ZDHHC14: variants seen among roughly 807,000 people sequenced by gnomAD.
ZDHHC14 encodes palmitoyltransferase ZDHHC14.
Under a neutral mutation model 47.7 loss-of-function variants are expected in ZDHHC14, and 16 were observed. That is an observed-to-expected ratio of 0.34 (90% confidence interval 0.23 to 0.51). The LOEUF (loss-of-function observed/expected upper bound fraction) is 0.51, where lower values mean the gene tolerates loss of function less well. Among genes scored for constraint, ZDHHC14 ranks in the 20% least tolerant of loss-of-function variants. The pLI is 0.97. For synonymous variants in ZDHHC14, 293 were observed against 278.9 expected, an observed-to-expected ratio of 1.05 and a Z score of -0.50; for missense variants, 515 against 662.5, an observed-to-expected ratio of 0.78 and a Z score of 2.44.
intron 1 of ZDHHC14, among the ~76,000 whole-genome samples, chr6:157,405,256 G>C (rs147626005): frequency 1.8e-4 from 27 of 152,102 alleles, no homozygotes; most frequent in Non-Finnish European, 3.2e-4. Flanking sequence ...TTTTTGAGAT[G>C]GAGTCTCGCT....
intron 2 of ZDHHC14, among the ~76,000 whole-genome samples, chr6:157,567,342 TCTGATTG>T (rs1782940913): frequency 6.6e-6 from 1 of 152,142 alleles, no homozygotes; most frequent in Admixed American, 6.5e-5. Context: ...TAGAGCTCAA[TCTGATTG>T]GATCCTGGAT....
At chr6:157,655,901 G>A (rs9347471) in intron 8 of ZDHHC14, among the ~76,000 whole-genome samples, 6 of 152,068 alleles carry the variant, frequency 3.9e-5, no homozygotes, top group Non-Finnish European at 8.8e-5. Context: ...TCTACACTTT[G>A]TTGAGATTAA....
intron 7 of ZDHHC14, among the ~76,000 whole-genome samples, chr6:157,651,709 C>T (rs2114989986): frequency 6.6e-6 from 1 of 152,296 alleles, no homozygotes; most frequent in South Asian, 2.1e-4. Context: ...GCTGGGGTTA[C>T]AGGCATGTGC....
chr6:157,510,983 T>C (rs527976957), intron 1 of ZDHHC14, among the ~76,000 whole-genome samples: 1 of 152,366 alleles, frequency 6.6e-6, no homozygotes, highest in East Asian at 1.9e-4. Context: ...ATAATTTACC[T>C]TTGTGGCTTA....
At chr6:157,616,200 G>A (rs186077305) in intron 3 of ZDHHC14, among the ~76,000 whole-genome samples, 76 of 152,310 alleles carry the variant, frequency 5.0e-4, no homozygotes, top group African/African-American at 1.4e-3. Context: ...GACAAGAGCC[G>A]GCACAGTGCA....
intron 1 of ZDHHC14, among the ~76,000 whole-genome samples, chr6:157,456,137 G>A (rs769677450): frequency 7.9e-5 from 12 of 152,142 alleles, no homozygotes; most frequent in African/African-American, 2.4e-4. Context: ...GGCCTGCTGC[G>A]GGAGGGAAGC....
rs532069768 is a variant in ZDHHC14 at position 157,391,336 on chromosome 6, C to G, written c.245+9070C>G. Among the ~76,000 whole-genome samples, 10 of 152,284 alleles carry G rather than the reference C, an allele frequency of 6.6e-5. No individual in the cohort carries two copies. In the East Asian group the frequency reaches 1.9e-3, roughly 29 times the overall value. On this transcript the variant is annotated intron_variant, in intron 1 of 8. Transcript: ENST00000359775. Reference sequence around the variant, plus strand: ...TCCCTGTACAGCTGCTGTGCCCCAGCTTTTGGAGGGCTACTGCAGTGGTCC... The same window carrying G: ...TCCCTGTACAGCTGCTGTGCCCCAGGTTTTGGAGGGCTACTGCAGTGGTCC...
chr6:157,574,848 G>A (rs577449034), intron 2 of ZDHHC14, among the ~76,000 whole-genome samples: 51 of 152,252 alleles, frequency 3.3e-4, no homozygotes, highest in African/African-American at 1.1e-3. Context: ...TACTGCAGTC[G>A]ATGTGATATG....
intron 1 of ZDHHC14, among the ~76,000 whole-genome samples, chr6:157,432,027 T>A (rs1197824129): frequency 1.3e-5 from 2 of 152,144 alleles, no homozygotes; most frequent in Non-Finnish European, 2.9e-5. Flanking sequence ...TCATGCCAGA[T>A]CCCTTTGGCT....
intron 2 of ZDHHC14, among the ~76,000 whole-genome samples, chr6:157,572,531 A>C (rs1783139090): frequency 6.6e-6 from 1 of 151,960 alleles, no homozygotes; most frequent in Non-Finnish European, 1.5e-5. Flanking sequence ...TTTAGGGTAC[A>C]TGTGCACAAC....
intron 4 of ZDHHC14, chr6:157,631,096 C>G (rs1785711374): frequency 6.6e-6 from 1 of 152,254 alleles, no homozygotes; most frequent in Non-Finnish European, 1.5e-5. Context: ...CACCCACACT[C>G]ATATATAGTC....
chr6:157,430,724 G>A (rs1418964002), intron 1 of ZDHHC14, among the ~76,000 whole-genome samples: 2 of 152,254 alleles, frequency 1.3e-5, no homozygotes, highest in African/African-American at 2.4e-5. Flanking sequence ...CGTATTCACA[G>A]GTTCTGGCGA....
At chr6:157,506,728 A>T (rs1780333403) in intron 1 of ZDHHC14, among the ~76,000 whole-genome samples, 1 of 152,164 alleles carries the variant, frequency 6.6e-6, no homozygotes, top group Admixed American at 6.5e-5. Flanking sequence ...GATATATTTT[A>T]TATTGGTCCC....
At chr6:157,580,093 G>T (rs2217446) in intron 2 of ZDHHC14, among the ~76,000 whole-genome samples, 1 of 152,140 alleles carries the variant, frequency 6.6e-6, no homozygotes, top group South Asian at 2.1e-4. Flanking sequence ...GTTTTTAACA[G>T]GAAGAGATGT....
intron 1 of ZDHHC14, among the ~76,000 whole-genome samples, chr6:157,384,867 C>G (rs1277000092): frequency 6.6e-6 from 1 of 152,204 alleles, no homozygotes; most frequent in African/African-American, 2.4e-5. Context: ...CCCTGGCCTG[C>G]CTTTCTCCTG....
chr6:157,662,783 T>C (rs1362206576), intron 8 of ZDHHC14, among the ~76,000 whole-genome samples: 3 of 152,258 alleles, frequency 2.0e-5, no homozygotes, highest in African/African-American at 7.2e-5. Flanking sequence ...CATCAGACAC[T>C]GTAGGCAAGT....
At position 157,498,352 on chromosome 6, in the gene ZDHHC14, TATAATTTTGACATTTG is replaced by T. The variant is rs1219543268; in HGVS notation, c.246-44232_246-44217del. Among the ~76,000 whole-genome samples, 53 of 151,816 alleles carry T rather than the reference TATAATTTTGACATTTG, an allele frequency of 3.5e-4. 1 individual carries two copies. Among genetic ancestry groups the T allele is most frequent in the Non-Finnish European group, 1.3e-4 (9 of 68,016 alleles). Reference sequence around the variant, plus strand: ...GGTAGAGCGCAGCCCTTACAGTGGATATAATTTTGACATTTGTGGCTGAGGAGAGTGTCCAGGAAGA... The same window carrying T: ...GGTAGAGCGCAGCCCTTACAGTGGATTGGCTGAGGAGAGTGTCCAGGAAGA... On this transcript the variant is annotated intron_variant, in intron 1 of 8. Coordinates refer to ENST00000359775, the MANE Select transcript of ZDHHC14 (RefSeq NM_024630.3).
At chr6:157,609,102 A>G (rs1231514927) in intron 3 of ZDHHC14, among the ~76,000 whole-genome samples, 3 of 152,192 alleles carry the variant, frequency 2.0e-5, no homozygotes, top group African/African-American at 7.2e-5. Context: ...TGGCTTGGTG[A>G]CCTGAGTCTG....
intron 3 of ZDHHC14, among the ~76,000 whole-genome samples, chr6:157,622,236 A>T (rs953573141): frequency 1.9e-4 from 27 of 143,856 alleles, no homozygotes; most frequent in Admixed American, 8.2e-4. Context: ...AAAAAAAAAA[A>T]AAATAGCCAG....
Sources: gnomAD v4.1 joint callset for allele counts (sites outside exome capture counted in the v4.1 genomes callset) on GRCh38, gnomAD v4.1.1 for gene constraint, MANE v1.5 for transcripts, NCBI Gene and HGNC (gene_info 2026-07-23, HGNC 2026-07-21) for gene names.